Variants in PPP1R12B observed in about 807,000 individuals in gnomAD.
PPP1R12B encodes protein phosphatase 1 regulatory subunit 12B, also known as myosin phosphatase target subunit 2.
PPP1R12B carries 76 observed loss-of-function variants against 126.1 expected under a neutral mutation model. The observed-to-expected ratio is 0.60, with a 90% confidence interval of 0.50 to 0.73. The LOEUF (loss-of-function observed/expected upper bound fraction) is 0.73, where lower values mean the gene tolerates loss of function less well. Among genes scored for constraint, PPP1R12B ranks in the 30% least tolerant of loss-of-function variants. PPP1R12B has a pLI of 0.00. For synonymous variants in PPP1R12B, 356 were observed against 434.7 expected (o/e 0.82, Z 2.25); for missense variants, 1,052 against 1,205.1 (o/e 0.87, Z 1.88).
intron 18 of PPP1R12B, among the ~76,000 whole-genome samples, chr1:202,551,754 GA>G (rs1195996112): frequency 6.6e-6 from 1 of 152,180 alleles, no homozygotes. Context: ...GATGGAACGG[GA>G]AGCCAGAGAA....
chr1:202,501,443 A>G (rs1483880885), intron 18 of PPP1R12B, among the ~76,000 whole-genome samples: 1 of 152,146 alleles, frequency 6.6e-6, no homozygotes, highest in Non-Finnish European at 1.5e-5. Context: ...CTGTTTTCCA[A>G]GCCAATCCTG....
chr1:202,356,821 C>CTT (rs532654783), intron 1 of PPP1R12B, among the ~76,000 whole-genome samples: 63 of 139,802 alleles, frequency 4.5e-4, no homozygotes, highest in Non-Finnish European at 2.3e-4. Context: ...TGATTTCAGA[C>CTT]TTTTTTTTTT....
At chr1:202,423,548 C>A (rs1669099839) in intron 3 of PPP1R12B, among the ~76,000 whole-genome samples, 1 of 152,172 alleles carries the variant, frequency 6.6e-6, no homozygotes, top group African/African-American at 2.4e-5. Context: ...ATTGGATGAA[C>A]CACAAACCTG....
In PPP1R12B at chr1:202,348,921, C is replaced by G. The variant is rs1481153313; in HGVS notation, c.70C>G (p.Arg24Gly). ...SARMRRAEQL[R>G]RWRGSLTEQE... ...GCGAATGCGGCGGGCAGAGCAGCTT[C>G]GGCGCTGGCGGGGCTCGCTGACAGA... The change falls in exon 1 of 24, where the codon CGG becomes GGG. Residue 24 changes from arginine (R) to glycine (G), a missense_variant. Physicochemically the swap from Arg to Gly is moderately radical, Grantham distance 125. Coordinates refer to ENST00000608999, the MANE Select transcript of PPP1R12B (RefSeq NM_002481.4). 6.2e-7 allele frequency: 1 copy of G among 1,608,066 alleles called. No homozygotes were observed. Among genetic ancestry groups the G allele is most frequent in the Non-Finnish European group, 8.5e-7 (1 of 1,178,214 alleles).
rs541486450 is a variant in PPP1R12B at position 202,363,014 on chromosome 1, A to G, written c.291+13872A>G. On this transcript the variant is annotated intron_variant, in intron 1 of 23. Coordinates refer to ENST00000608999, the MANE Select transcript of PPP1R12B (RefSeq NM_002481.4). ...ATGCCCAGCTGATTATTGTATTGTT[A>G]TTGGAGATGGGGTTTCGCCATGTTG... 2.6e-5 allele frequency among the ~76,000 whole-genome samples: 4 copies of G among 152,090 alleles called. No homozygotes were observed. The South Asian group carries it at 8.3e-4, about 32-fold the overall frequency.
chr1:202,515,878 G>T (rs1682090765), intron 18 of PPP1R12B, among the ~76,000 whole-genome samples: 1 of 152,164 alleles, frequency 6.6e-6, no homozygotes, highest in Non-Finnish European at 1.5e-5. Flanking sequence ...ATATCCGATT[G>T]ACCTTTCCTG....
intron 9 of PPP1R12B, among the ~76,000 whole-genome samples, chr1:202,436,268 AAACAACAACAAC>A (rs374800665): frequency 1.3e-5 from 2 of 151,472 alleles, no homozygotes; most frequent in East Asian, 1.9e-4. Context: ...CGTGTCTCAA[AAACAACAACAAC>A]AACAACAACA....
At chr1:202,498,011 G>A (rs2148864220) in intron 18 of PPP1R12B, among the ~76,000 whole-genome samples, 1 of 152,284 alleles carries the variant, frequency 6.6e-6, no homozygotes, top group East Asian at 1.9e-4. Flanking sequence ...AATTACATAG[G>A]CCATTTAAAT....
In PPP1R12B at chr1:202,440,742, C is replaced by A. The variant is rs773716457; in HGVS notation, c.1495C>A (p.Pro499Thr). The change falls in exon 11 of 24, where the codon CCC (proline) becomes ACC (threonine). Residue 499 changes from proline (P) to threonine (T), a missense_variant. By Grantham distance (38) the Pro-to-Thr change is conservative. Transcript: ENST00000608999. The stretch of plus-strand genomic sequence containing the variant: ...CAAAAGCTATATTAGTTCACTAGCA[C>A]CCCGGAAGCTCAACAGCACAAGTGA... ...ENKSYISSLA[P>T]RKLNSTSDIE... is the part of the protein sequence containing the mutation. 1.9e-6 allele frequency: 3 copies of A among 1,613,912 alleles called. No homozygotes were observed. The highest frequency in any genetic ancestry group is 2.2e-5 in the South Asian group (2 of 91,054).
chr1:202,396,891 C>T (rs1283369649), intron 1 of PPP1R12B, among the ~76,000 whole-genome samples: 4 of 152,214 alleles, frequency 2.6e-5, no homozygotes, highest in African/African-American at 9.7e-5. Context: ...CCTCCTATTG[C>T]AGTGGAGAGT....
intron 13 of PPP1R12B, among the ~76,000 whole-genome samples, chr1:202,449,572 A>T (rs1467486268): frequency 1.3e-5 from 2 of 151,408 alleles, no homozygotes; most frequent in Non-Finnish European, 2.9e-5. Flanking sequence ...CACTGCGCCC[A>T]GCCTGAAAAT....
At position 202,567,851 on chromosome 1, in the gene PPP1R12B, C is replaced by T; in HGVS notation, c.2811+20C>T. 6.2e-7 allele frequency: 1 copy of T among 1,611,696 alleles called. No individual in the cohort carries two copies. Among genetic ancestry groups the T allele is most frequent in the Non-Finnish European group, 8.5e-7 (1 of 1,177,982 alleles). On this transcript the variant is annotated intron_variant, in intron 22 of 23. Coordinates refer to ENST00000608999, the MANE Select transcript of PPP1R12B (RefSeq NM_002481.4). ...AAACGGGTATGCGCATGTCTGTTTC[C>T]CCCTCCACCCCATTTCATCTCTTCT...
chr1:202,354,840 T>TC (rs1188723347), intron 1 of PPP1R12B, among the ~76,000 whole-genome samples: 3 of 149,390 alleles, frequency 2.0e-5, no homozygotes, highest in African/African-American at 4.9e-5. Flanking sequence ...TTGTTTTTTT[T>TC]TTTGAGACGG....
chr1:202,420,012 C>CT (rs1406476495), intron 2 of PPP1R12B, among the ~76,000 whole-genome samples: 1 of 152,296 alleles, frequency 6.6e-6, no homozygotes, highest in South Asian at 2.1e-4. Context: ...GTAAATCTCA[C>CT]TTTACATAAG....
In PPP1R12B at chr1:202,586,997, A is replaced by G. The variant is rs984746796; in HGVS notation, c.*6437A>G. On this transcript the variant is annotated 3_prime_UTR_variant, in exon 24 of 24. Transcript: ENST00000608999. ...AGAAACCAATTTTATTTATTAAATC[A>G]TATCTTTTGTTTTTCCCCCTCCCTT... 6 of 152,184 alleles carry G rather than the reference A, an allele frequency of 3.9e-5. No homozygotes were observed. The highest frequency in any genetic ancestry group is 1.4e-4 in the African/African-American group (6 of 41,434). 9.4% of individuals were successfully genotyped at this position (152,184 alleles called of 1,614,324 possible).
At chr1:202,351,161 A>G (rs776803703) in intron 1 of PPP1R12B, among the ~76,000 whole-genome samples, 3 of 151,846 alleles carry the variant, frequency 2.0e-5, no homozygotes, top group Non-Finnish European at 4.4e-5. Flanking sequence ...AGAACATTAC[A>G]AGTCAGTTTC....
In PPP1R12B at chr1:202,580,692, C is replaced by A; in HGVS notation, c.*132C>A. On this transcript the variant is annotated 3_prime_UTR_variant, in exon 24 of 24. Coordinates refer to ENST00000608999, the MANE Select transcript of PPP1R12B (RefSeq NM_002481.4). ...GGACACTTCTTTCTATCACCCTCTT[C>A]AGTCACCTCTATACACTCTACATTT... The A allele has an allele frequency of 1.4e-6, 1 of 726,896 alleles. No homozygotes were observed. The highest frequency in any genetic ancestry group is 2.7e-4 in the Middle Eastern group (1 of 3,760). 45.0% of individuals were successfully genotyped at this position (726,896 alleles called of 1,614,324 possible).
intron 18 of PPP1R12B, among the ~76,000 whole-genome samples, chr1:202,522,851 T>C (rs1483376634): frequency 6.6e-6 from 1 of 152,144 alleles, no homozygotes. Context: ...GAACAATCCA[T>C]GAAGATGATA....
intron 13 of PPP1R12B, among the ~76,000 whole-genome samples, chr1:202,476,247 A>T (rs1223305102): frequency 6.6e-6 from 1 of 151,742 alleles, no homozygotes; most frequent in African/African-American, 2.4e-5. Context: ...ATAATAAACT[A>T]TCTTATAAGA....
Sources: gnomAD v4.1 joint callset for allele counts (sites outside exome capture counted in the v4.1 genomes callset) on GRCh38, gnomAD v4.1.1 for gene constraint, MANE v1.5 for transcripts, NCBI Gene and HGNC (gene_info 2026-07-23, HGNC 2026-07-21) for gene names.